CENPW: variants seen among roughly 807,000 people sequenced by gnomAD.
CENPW encodes the protein cancer-up-regulated gene 2 protein.
Under a neutral mutation model 11.1 loss-of-function variants are expected in CENPW, and 3 were observed. That is an observed-to-expected ratio of 0.27 (90% CI 0.12 to 0.70). The LOEUF is 0.70. Ranked by LOEUF, CENPW falls within the 30% of genes least tolerant of loss-of-function variation. The probability of loss-of-function intolerance (pLI) is 0.77; values close to 1 mark genes in which losing one functional copy is unlikely to be tolerated. For synonymous variants in CENPW, 38 were observed against 42.0 expected (o/e 0.91, Z 0.37); for missense variants, 100 against 105.6 (o/e 0.95, Z 0.23).
the CENPW span, among the ~76,000 whole-genome samples, chr6:126,461,253 AG>A: frequency 2.7e-5 from 4 of 149,412 alleles, no homozygotes; most frequent in Non-Finnish European, 6.0e-5. Context: ...TAAAAATGGG[AG>A]TTTCCCTACA....
chr6:126,376,744 T>C, the CENPW span, among the ~76,000 whole-genome samples: 2 of 152,178 alleles, frequency 1.3e-5, no homozygotes, highest in East Asian at 1.9e-4. Context: ...GAAGGGCACA[T>C]AATACTTTCC....
chr6:126,441,960 T>C, the CENPW span, among the ~76,000 whole-genome samples: 1 of 151,610 alleles, frequency 6.6e-6, no homozygotes, highest in Non-Finnish European at 1.5e-5. Flanking sequence ...TTCCTCTGGG[T>C]AATACCCAGT....
the CENPW span, among the ~76,000 whole-genome samples, chr6:126,433,743 G>A: frequency 4.0e-4 from 61 of 151,938 alleles, no homozygotes; most frequent in African/African-American, 1.4e-3. Context: ...TTGGGAAAAC[G>A]CACAAAATAT....
the CENPW span, among the ~76,000 whole-genome samples, chr6:126,384,308 G>T: frequency 6.6e-6 from 1 of 152,066 alleles, no homozygotes; most frequent in East Asian, 1.9e-4. Flanking sequence ...CCAAAAAAGA[G>T]TCTAATAGCG....
At chr6:126,401,418 G>T in the CENPW span, among the ~76,000 whole-genome samples, 1 of 151,928 alleles carries the variant, frequency 6.6e-6, no homozygotes, top group Admixed American at 6.6e-5. Flanking sequence ...AAGTGGGTGT[G>T]GTTGGTGGAT....
chr6:126,371,836 TCTC>T, the CENPW span, among the ~76,000 whole-genome samples: 1 of 152,144 alleles, frequency 6.6e-6, no homozygotes, highest in African/African-American at 2.4e-5. Context: ...GAATTTCTTA[TCTC>T]CTCTAGGTTT....
the CENPW span, among the ~76,000 whole-genome samples, chr6:126,472,015 T>C: frequency 1.3e-5 from 2 of 152,162 alleles, no homozygotes; most frequent in Non-Finnish European, 2.9e-5. Context: ...TAACTATTAA[T>C]AGTAAAATTT....
chr6:126,479,966 C>G, the CENPW span, among the ~76,000 whole-genome samples: 1 of 151,934 alleles, frequency 6.6e-6, no homozygotes, highest in South Asian at 2.1e-4. Context: ...CTTTCCATGT[C>G]TTAAAAATAA....
intron 1 of CENPW, among the ~76,000 whole-genome samples, chr6:126,344,368 T>C (rs2128289677): frequency 6.6e-6 from 1 of 152,330 alleles, no homozygotes; most frequent in East Asian, 1.9e-4. Flanking sequence ...TCAAAAGGCC[T>C]AGTGTAGAAC....
intron 2 of CENPW, among the ~76,000 whole-genome samples, chr6:126,348,234 A>G (rs1191137985): frequency 6.6e-6 from 1 of 152,026 alleles, no homozygotes; most frequent in Non-Finnish European, 1.5e-5. Context: ...GCAGGTTTTT[A>G]GAATCTAGGC....
the CENPW span, among the ~76,000 whole-genome samples, chr6:126,467,707 A>G: frequency 1.3e-5 from 2 of 152,336 alleles, no homozygotes; most frequent in Middle Eastern, 3.4e-3. Flanking sequence ...TAATTTATGC[A>G]GATACTGCAC....
the CENPW span, among the ~76,000 whole-genome samples, chr6:126,420,032 G>A: frequency 6.6e-6 from 1 of 152,158 alleles, no homozygotes; most frequent in East Asian, 1.9e-4. Context: ...AGTTATAAAT[G>A]AAGTGCAGAA....
At chr6:126,452,242 A>G in the CENPW span, among the ~76,000 whole-genome samples, 1 of 151,354 alleles carries the variant, frequency 6.6e-6, no homozygotes, top group African/African-American at 2.4e-5. Context: ...ATAACGTGAT[A>G]TATGAGAAAA....
the CENPW span, among the ~76,000 whole-genome samples, chr6:126,367,995 T>C: frequency 6.6e-6 from 1 of 152,210 alleles, no homozygotes. Context: ...AGATATGTTA[T>C]GAGAATCCCA....
At chr6:126,480,139 T>G in the CENPW span, among the ~76,000 whole-genome samples, 3 of 152,002 alleles carry the variant, frequency 2.0e-5, no homozygotes, top group Non-Finnish European at 2.9e-5. Flanking sequence ...CAAAAATACA[T>G]AGCTTATTAT....
the CENPW span, among the ~76,000 whole-genome samples, chr6:126,440,303 T>G: frequency 6.6e-6 from 1 of 151,514 alleles, no homozygotes; most frequent in Admixed American, 6.6e-5. Flanking sequence ...CCATAAGCAA[T>G]GAACACTGAA....
the CENPW span, among the ~76,000 whole-genome samples, chr6:126,429,962 T>C: frequency 1.3e-5 from 2 of 152,208 alleles, no homozygotes; most frequent in South Asian, 4.1e-4. Flanking sequence ...TGTCTGTGTT[T>C]GTCCTTCTTC....
chr6:126,390,843 T>C, the CENPW span, among the ~76,000 whole-genome samples: 2 of 152,070 alleles, frequency 1.3e-5, no homozygotes, highest in Non-Finnish European at 2.9e-5. Context: ...ATTGTGTATA[T>C]GTACCACATT....
chr6:126,350,906 AC>A (rs980846902), downstream of CENPW, among the ~76,000 whole-genome samples: 11 of 152,256 alleles, frequency 7.2e-5, no homozygotes, highest in Admixed American at 2.0e-4. Flanking sequence ...TTGAAAAAAA[AC>A]AACTAGAATA....
Sources: gnomAD v4.1 joint callset for allele counts (sites outside exome capture counted in the v4.1 genomes callset) on GRCh38, gnomAD v4.1.1 for gene constraint, MANE v1.5 for transcripts, NCBI Gene and HGNC (gene_info 2026-07-23, HGNC 2026-07-21) for gene names.